The following METTL17 variants were observed in gnomAD, a reference collection of about 807,000 sequenced individuals.
METTL17 encodes the protein methyltransferase like 17, also known as ribosome assembly protein METTL17, mitochondrial.
METTL17 carries 49 observed loss-of-function variants against 59.4 expected under a neutral mutation model. That is an observed-to-expected ratio of 0.82 (90% CI 0.66 to 1.05). The LOEUF is 1.05. Among genes scored for constraint, METTL17 ranks in the 50% least tolerant of loss-of-function variants. METTL17 has a pLI of 0.00. For synonymous variants in METTL17, 208 were observed against 209.2 expected (o/e 0.99, Z 0.05); for missense variants, 555 against 578.4 (o/e 0.96, Z 0.41).
rs200202996 is a variant in METTL17, at chr14:20,996,577, G to A, written c.1131G>A (p.Gly377=). ...TCTCTATGGTGATCCTTGCTCGGGGGTCTCCAGAGGAGGCTCATCGCTGGC... is the reference window on the plus strand; with the variant it reads ...TCTCTATGGTGATCCTTGCTCGGGGATCTCCAGAGGAGGCTCATCGCTGGC... The part of the protein sequence containing the change: ...EKFSMVILAR[G]SPEEAHRWPR... The change falls in exon 13 of 14, where the codon GGG becomes GGA. Residue 377 remains glycine, a synonymous_variant. Transcript: ENST00000339374. The A allele has an allele frequency of 1.2e-6, 2 of 1,614,046 alleles. No individual in the cohort carries two copies. The highest frequency in any genetic ancestry group is 2.7e-5 in the African/African-American group (2 of 74,932).
chr14:20,995,859 C>T, intron 10 of METTL17, 42 bp from the exon 11 acceptor site: 1 of 1,554,374 alleles, frequency 6.4e-7, no homozygotes, highest in Non-Finnish European at 8.9e-7. Flanking sequence ...TGAAAATAGA[C>T]CCTTGGCCCA....
At chr14:20,995,407 C>T (rs750007563) in intron 10 of METTL17, among the ~76,000 whole-genome samples, 174 bp downstream of exon 10, 2 of 152,182 alleles carry the variant, frequency 1.3e-5, no homozygotes, top group East Asian at 1.9e-4. Flanking sequence ...GGATCAAATC[C>T]GACCTGCCAC....
At chr14:20,996,168 A>T in intron 11 of METTL17, 41 bp from the exon 12 acceptor site, 1 of 1,571,166 alleles carries the variant, frequency 6.4e-7, no homozygotes, top group African/African-American at 1.4e-5. Flanking sequence ...TTTGTGATTG[A>T]TGGCTCTTTT....
At chr14:20,990,627 G>C (rs1879979975) in intron 3 of METTL17, 29 bp downstream of exon 3, 3 of 1,611,974 alleles carry the variant, frequency 1.9e-6, no homozygotes, top group Admixed American at 3.4e-5. Flanking sequence ...TAAAAAGTGG[G>C]CGAGATTGAA....
rs1385664236 is a variant in METTL17, at chr14:20,994,527, C to T, written c.698-16C>T. 6.2e-7 allele frequency: 1 copy of T among 1,612,736 alleles called. No homozygotes were observed. Among genetic ancestry groups the T allele is most frequent in the Admixed American group, 1.7e-5 (1 of 59,994 alleles). ...ACTTCCTACACACTCACAGTTGCCT[C>T]TTCTTTTCTCCACAGGTGGTTCAGA... On this transcript the variant is annotated splice_polypyrimidine_tract_variant and intron_variant, in intron 7 of 13. Transcript: ENST00000339374.
intron 11 of METTL17, 31 bp downstream of exon 11, chr14:20,995,982 C>T (rs148336939): frequency 1.2e-4 from 198 of 1,611,372 alleles, no homozygotes; most frequent in Middle Eastern, 3.3e-4. Flanking sequence ...TCCCACCACA[C>T]GGATCTGAAC....
intron 10 of METTL17, among the ~76,000 whole-genome samples, chr14:20,995,513 A>G (rs1415581629): frequency 6.6e-6 from 1 of 152,138 alleles, no homozygotes. Flanking sequence ...ACAGAGATAG[A>G]TTTTGCCTAC....
chr14:20,990,222 G>A lies in METTL17; in HGVS notation c.76-8G>A. ...CCAGGAAATCAACCTACCTTTCTCT[G>A]CCTGCAGGCGCTCGCCGCCTTAGTA... On this transcript the variant is annotated splice_region_variant and splice_polypyrimidine_tract_variant and intron_variant, in intron 1 of 13. Transcript: ENST00000339374. The A allele has an allele frequency of 3.1e-6, 5 of 1,614,128 alleles. 1 individual carries two copies. The South Asian group carries it at 3.3e-5, about 11-fold the overall frequency.
chr14:20,996,850 C>T lies in METTL17; in HGVS notation c.1331C>T (p.Ala444Val), dbSNP rs1171168949. The T allele has an allele frequency of 1.9e-6, 3 of 1,613,386 alleles. No individual in the cohort carries two copies. Among genetic ancestry groups the T allele is most frequent in the Non-Finnish European group, 2.5e-6 (3 of 1,179,802 alleles). Residue 444 changes from alanine (A) to valine (V), a missense_variant, in exon 14 of 14, where the codon GCG becomes GTG. Transcript: ENST00000339374. ...CTTTTACCTGTGCTTACTCCGTCTG[C>T]GTTTCCTCCATCTACGGCTCAGGAT... ...GDLLPVLTPS[A>V]FPPSTAQDPS...
rs756571402 is a variant in METTL17 at position 20,996,884 on chromosome 14, G to C, written c.1365G>C (p.Glu455Asp). Residue 455 changes from glutamate (E) to aspartate (D), a missense_variant, in exon 14 of 14, where the codon GAG (glutamate) becomes GAC (aspartate). Transcript: ENST00000339374. Reference protein sequence around the residue: ...FPPSTAQDPSES With the variant: ...FPPSTAQDPSDS ...CATCTACGGCTCAGGATCCCTCTGA[G>C]AGTTGATGAGGATGTGTAACAAGTA... 1 of 1,605,470 alleles carries C rather than the reference G, an allele frequency of 6.2e-7. No homozygotes were observed. Among genetic ancestry groups the C allele is most frequent in the Non-Finnish European group, 8.5e-7 (1 of 1,174,908 alleles).
At position 20,991,015 on chromosome 14, in the gene METTL17, A is replaced by G. The variant is rs548541246; in HGVS notation, c.364+417A>G. ...CCGGCTACTTGTATTTTTAGTAGAG[A>G]CGGGGTTTCATCATGGTGGCCAGGC... On this transcript the variant is annotated intron_variant, in intron 3 of 13. Transcript: ENST00000339374. Among the ~76,000 whole-genome samples the G allele has an allele frequency of 2.0e-5, 3 of 152,150 alleles. No individual in the cohort carries two copies. In the South Asian group the frequency reaches 6.2e-4, roughly 32 times the overall value.
In METTL17 at chr14:20,996,881, T is replaced by C. The variant is rs150701743; in HGVS notation, c.1362T>C (p.Ser454=). Reference sequence around the variant, plus strand: ...CTCCATCTACGGCTCAGGATCCCTCTGAGAGTTGATGAGGATGTGTAACAA... The same window carrying C: ...CTCCATCTACGGCTCAGGATCCCTCCGAGAGTTGATGAGGATGTGTAACAA... ...AFPPSTAQDP[S]ES is the part of the protein sequence containing the mutation. Residue 454 remains serine, a synonymous_variant, in exon 14 of 14, where the codon TCT becomes TCC. Transcript: ENST00000339374. The C allele has an allele frequency of 4.4e-6, 7 of 1,605,220 alleles. No homozygotes were observed. The African/African-American group carries it at 8.0e-5, about 18-fold the overall frequency.
chr14:20,990,328 G>A lies in METTL17; in HGVS notation c.174G>A (p.Leu58=). Residue 58 remains leucine (L), a synonymous_variant, in exon 2 of 14, where the codon CTG becomes CTA. Transcript: ENST00000339374. ...PHRQHPGILK[L]PHVRLPQALA... ...GCCAGCACCCTGGCATCCTAAAGCT[G>A]CCGCACGTGCGGCTGCCACAGGCAC... The A allele has an allele frequency of 6.2e-7, 1 of 1,614,222 alleles. No homozygotes were observed. The highest frequency in any genetic ancestry group is 1.1e-5 in the South Asian group (1 of 91,088).
chr14:20,991,453 A>C (rs1376594170), intron 3 of METTL17, among the ~76,000 whole-genome samples: 1 of 152,222 alleles, frequency 6.6e-6, no homozygotes, highest in African/African-American at 2.4e-5. Context: ...CTCCATAGGA[A>C]TAGTGGAGAT....
At position 20,994,012 on chromosome 14, in the gene METTL17, T is replaced by C. The variant is rs1262854225; in HGVS notation, c.646T>C (p.Cys216Arg). ...GGGCCAGAGCCTACGTGAATATATG[T>C]GTGTGGACAGATCAGCTGCCATGTT... ...IWGQSLREYM[C>R]VDRSAAMLVL... Residue 216 changes from cysteine (C) to arginine (R), a missense_variant, in exon 7 of 14, where the codon TGT becomes CGT. Cys to Arg is a radical substitution (Grantham distance 180, BLOSUM62 -3). Coordinates refer to ENST00000339374, the MANE Select transcript of METTL17 (RefSeq NM_022734.3). The C allele has an allele frequency of 5.6e-6, 9 of 1,613,750 alleles. No individual in the cohort carries two copies. The highest frequency in any genetic ancestry group is 5.1e-6 in the Non-Finnish European group (6 of 1,179,946).
chr14:20,996,896 A>T lies in METTL17; in HGVS notation c.*6A>T, dbSNP rs1434545797. The T allele has an allele frequency of 6.3e-7, 1 of 1,599,438 alleles. No individual in the cohort carries two copies. Among genetic ancestry groups the T allele is most frequent in the Admixed American group, 1.7e-5 (1 of 59,836 alleles). ...AGGATCCCTCTGAGAGTTGATGAGG[A>T]TGTGTAACAAGTATTTTCTTCTATC... On this transcript the variant is annotated 3_prime_UTR_variant, in exon 14 of 14. Transcript: ENST00000339374.
Position 20,990,007 on chromosome 14 carries a change from C to A in METTL17, c.5C>A (p.Ala2Glu), listed in dbSNP as rs1879937402. ...TTCCGGTTCGCCTCCGGAGCCATGG[C>A]GGCGGCACTGAAGTGTCTACTGACA... The part of the protein sequence containing the change: M[A>E]AALKCLLTLG... The change falls in exon 1 of 14, where the codon GCG (alanine) becomes GAG (glutamate). Residue 2 changes from alanine to glutamate, a missense_variant. Ala to Glu is a moderately radical substitution (Grantham distance 107). Coordinates refer to ENST00000339374, the MANE Select transcript of METTL17 (RefSeq NM_022734.3). The A allele has an allele frequency of 6.3e-7, 1 of 1,589,428 alleles. No individual in the cohort carries two copies. The highest frequency in any genetic ancestry group is 8.6e-7 in the Non-Finnish European group (1 of 1,164,760).
In METTL17 at chr14:20,990,519, G is replaced by A. The variant is rs1879974662; in HGVS notation, c.285G>A (p.Trp95Ter). 2.5e-6 allele frequency: 4 copies of A among 1,614,244 alleles called. No individual in the cohort carries two copies. Among genetic ancestry groups the A allele is most frequent in the South Asian group, 1.1e-5 (1 of 91,080 alleles). The change falls in exon 3 of 14, where the codon TGG (tryptophan) becomes TGA (stop). Residue 95 changes from tryptophan (W) to a stop codon, truncating the protein, a stop_gained. Coordinates refer to ENST00000339374, the MANE Select transcript of METTL17 (RefSeq NM_022734.3). LOFTEE classifies it high-confidence loss of function. ...TGCAAACACTGACCAGTTATCTCTG[G>A]AGCAGACATTTGCCTGTAGAGCCAG... ...NQVQTLTSYL[W>*]SRHLPVEPEE...
chr14:20,992,619 T>A lies in METTL17; in HGVS notation c.525T>A (p.His175Gln). Residue 175 changes from histidine to glutamine, a missense_variant, in exon 5 of 14, where the codon CAT (histidine) becomes CAA (glutamine). Physicochemically the swap from His to Gln is conservative, Grantham distance 24. Coordinates refer to ENST00000339374, the MANE Select transcript of METTL17 (RefSeq NM_022734.3). ...TTGCAGCAGTCTCCAGAGCATTCCATGAGGTGAAAGTCCCTTAACTTCCAA... is the reference window on the plus strand; with the variant it reads ...TTGCAGCAGTCTCCAGAGCATTCCAAGAGGTGAAAGTCCCTTAACTTCCAA... The part of the protein sequence containing the change: ...GGFAAVSRAF[H>Q]EIRARNPAFQ... 1 of 1,613,368 alleles carries A rather than the reference T, an allele frequency of 6.2e-7. No homozygotes were observed. The highest frequency in any genetic ancestry group is 1.7e-5 in the Admixed American group (1 of 60,028).
Sources: gnomAD v4.1 joint callset for allele counts (sites outside exome capture counted in the v4.1 genomes callset) on GRCh38, gnomAD v4.1.1 for gene constraint, MANE v1.5 for transcripts, NCBI Gene and HGNC (gene_info 2026-07-23, HGNC 2026-07-21) for gene names.